Variants in ZFPM1 observed in about 807,000 individuals in gnomAD.
ZFPM1 encodes the protein zinc finger protein, FOG family member 1, also known as zinc finger protein ZFPM1.
Under a neutral mutation model 46.3 loss-of-function variants are expected in ZFPM1, and 28 were observed. The ratio of observed to expected loss-of-function variants is 0.60; its 90% CI spans 0.45 to 0.83. ZFPM1 has a LOEUF of 0.83. ZFPM1 is among the 40% of genes least tolerant of loss of function. ZFPM1 has a pLI of 0.00. For synonymous variants in ZFPM1, 957 were observed against 675.9 expected (o/e 1.42, Z -6.45); for missense variants, 1,878 against 1,432.4 (o/e 1.31, Z -5.02).
chr16:88,493,334 G>A (rs1411954423), intron 3 of ZFPM1, among the ~76,000 whole-genome samples: 8 of 144,670 alleles, frequency 5.5e-5, no homozygotes, highest in Admixed American at 2.7e-4. Flanking sequence ...AAATTGTCCC[G>A]GGGTGGGGAG....
Position 88,514,501 on chromosome 16 carries a change from C to T in ZFPM1, c.383C>T (p.Ser128Phe). ...GGGAGTGTCCAGACCAGAGCCTCAT[C>T]CCCCAGGCAGGCGGAGCCGGTAAGA... The part of the protein sequence containing the change: ...FHGSVQTRAS[S>F]PRQAEPSPAL... Residue 128 changes from serine (S) to phenylalanine (F), a missense_variant, in exon 4 of 10, where the codon TCC becomes TTC. Transcript: ENST00000319555. The T allele has an allele frequency of 6.4e-7, 1 of 1,562,616 alleles. No homozygotes were observed. The highest frequency in any genetic ancestry group is 8.7e-7 in the Non-Finnish European group (1 of 1,153,990).
chr16:88,508,757 T>C (rs1288480249), intron 3 of ZFPM1, among the ~76,000 whole-genome samples: 4 of 152,180 alleles, frequency 2.6e-5, no homozygotes, highest in Non-Finnish European at 5.9e-5. Context: ...TCCCCTTCTG[T>C]CGCCTCTCTC....
chr16:88,534,419 G>T lies in ZFPM1; in HGVS notation c.2461G>T (p.Ala821Ser). ...PALADYHECT[A>S]CRVSFHSLEA... ...GCTGGCCGACTACCACGAGTGCACGGCCTGCCGCGTGAGCTTCCACAGCCT... is the reference window on the plus strand; with the variant it reads ...GCTGGCCGACTACCACGAGTGCACGTCCTGCCGCGTGAGCTTCCACAGCCT... The change falls in exon 10 of 10, where the codon GCC becomes TCC. Residue 821 changes from alanine to serine, a missense_variant. Coordinates refer to ENST00000319555, the MANE Select transcript of ZFPM1 (RefSeq NM_153813.3). 1 of 1,490,420 alleles carries T rather than the reference G, an allele frequency of 6.7e-7. No homozygotes were observed. The highest frequency in any genetic ancestry group is 8.9e-7 in the Non-Finnish European group (1 of 1,127,176). 92.3% of individuals were successfully genotyped at this position (1,490,420 alleles called of 1,614,324 possible). A position where few individuals can be genotyped will look rare whatever the true frequency, so the allele number is the denominator to read the frequency against.
Position 88,480,057 on chromosome 16 carries a change from T to C in ZFPM1, c.41-5882T>C, listed in dbSNP as rs1392208920. On this transcript the variant is annotated intron_variant, in intron 1 of 9. Transcript: ENST00000319555. This position sits in a 1 kb window ranked among gnomAD's most constrained non-coding sequence, Gnocchi z 4.9. ...TAACGCCAGCCTTTGGCAAGACAGTTTGATCCGCTGAAACCAGGCTCAGGG... is the reference window on the plus strand; with the variant it reads ...TAACGCCAGCCTTTGGCAAGACAGTCTGATCCGCTGAAACCAGGCTCAGGG... Among the ~76,000 whole-genome samples, 1 of 151,902 alleles carries C rather than the reference T, an allele frequency of 6.6e-6. No individual in the cohort carries two copies. Among genetic ancestry groups the C allele is most frequent in the African/African-American group, 2.4e-5 (1 of 41,308 alleles).
At chr16:88,502,069 T>C (rs55824135) in intron 3 of ZFPM1, among the ~76,000 whole-genome samples, 13,380 of 55,144 alleles carry the variant, frequency 0.24, 852 homozygotes, top group East Asian at 0.37. Flanking sequence ...CCCCCCCATT[T>C]ATTTATTTAT....
rs745430838 is a variant in ZFPM1, at chr16:88,534,838, CA to C, written c.2881del (p.Ser961AlafsTer45). 6.4e-7 allele frequency: 1 copy of C among 1,555,342 alleles called. No individual in the cohort carries two copies. The highest frequency in any genetic ancestry group is 1.4e-5 in the African/African-American group (1 of 70,966). ...SYSDKGVQTP[S>X]KGTPAPLPNG... ...ACTCGGACAAGGGCGTCCAGACTCC[CA>C]GCAAGGGCACGCCGGCGCCGCTGCC... On this transcript the variant is annotated frameshift_variant, in exon 10 of 10. Coordinates refer to ENST00000319555, the MANE Select transcript of ZFPM1 (RefSeq NM_153813.3). LOFTEE classifies it low-confidence loss of function (END_TRUNC).
chr16:88,515,914 T>C lies in ZFPM1; in HGVS notation c.402+1394T>C, dbSNP rs373333977. ...AGGCATTTATGGTTGCCAGGAGGAA[T>C]GAGTGGATGGGCTAGGAGCTCCGTG... On this transcript the variant is annotated intron_variant, in intron 4 of 9. Coordinates refer to ENST00000319555, the MANE Select transcript of ZFPM1 (RefSeq NM_153813.3). 8.6e-4 allele frequency among the ~76,000 whole-genome samples: 131 copies of C among 152,200 alleles called. No individual in the cohort carries two copies. The South Asian group carries it at 0.012, about 14-fold the overall frequency.
At chr16:88,488,138 C>A (rs1445966216) in intron 2 of ZFPM1, among the ~76,000 whole-genome samples, 1 of 152,236 alleles carries the variant, frequency 6.6e-6, no homozygotes, top group African/African-American at 2.4e-5. Context: ...GTCACCGCCG[C>A]CAGCCTTAGT....
Position 88,482,037 on chromosome 16 carries a change from C to G in ZFPM1, c.41-3902C>G, listed in dbSNP as rs540686711. 2.4e-3 allele frequency among the ~76,000 whole-genome samples: 365 copies of G among 152,314 alleles called. 1 individual carries two copies. Among genetic ancestry groups the G allele is most frequent in the Admixed American group, 5.2e-3 (79 of 15,308 alleles). On this transcript the variant is annotated intron_variant, in intron 1 of 9. Coordinates refer to ENST00000319555, the MANE Select transcript of ZFPM1 (RefSeq NM_153813.3). ...AGCACAGAGAGTGGAGTGACTTGCT[C>G]GAGGTCACACAGCAAGGACGCAGCA...
At chr16:88,484,786 C>T (rs1909127751) in intron 1 of ZFPM1, among the ~76,000 whole-genome samples, 1 of 152,206 alleles carries the variant, frequency 6.6e-6, no homozygotes. Flanking sequence ...GCCCCGCCGG[C>T]GGATGTCAGC....
In ZFPM1 at chr16:88,470,362, A is replaced by G. The variant is rs1908358657; in HGVS notation, c.41-15577A>G. 1.3e-5 allele frequency among the ~76,000 whole-genome samples: 2 copies of G among 152,324 alleles called. 1 individual carries two copies. On this transcript the variant is annotated intron_variant, in intron 1 of 9. Coordinates refer to ENST00000319555, the MANE Select transcript of ZFPM1 (RefSeq NM_153813.3). ...ACTGAGTGCCTGCTGTGTGCTGGGCATGGTCCAGGGACCCCAGGTGACCTC... is the reference window on the plus strand; with the variant it reads ...ACTGAGTGCCTGCTGTGTGCTGGGCGTGGTCCAGGGACCCCAGGTGACCTC...
intron 6 of ZFPM1, among the ~76,000 whole-genome samples, chr16:88,530,023 G>C (rs1912662108): frequency 6.6e-6 from 1 of 152,194 alleles, no homozygotes; most frequent in African/African-American, 2.4e-5. Context: ...ACGGGCCGCA[G>C]GTGACTGAAA....
Position 88,532,675 on chromosome 16 carries a change from G to C in ZFPM1, c.1008G>C (p.Glu336Asp). 1.2e-6 allele frequency: 2 copies of C among 1,606,156 alleles called. No homozygotes were observed. Among genetic ancestry groups the C allele is most frequent in the Non-Finnish European group, 1.7e-6 (2 of 1,176,660 alleles). The change falls in exon 8 of 10, where the codon GAG becomes GAC. Residue 336 changes from glutamate to aspartate, a missense_variant. Glu to Asp is a conservative substitution (Grantham distance 45). Coordinates refer to ENST00000319555, the MANE Select transcript of ZFPM1 (RefSeq NM_153813.3). ...LSAFTTKANC[E>D]RHLKVHTDTL... ...CCTTCACCACCAAGGCCAACTGCGA[G>C]CGGCACCTCAAGGTGCACACGGACA... is the stretch of plus-strand genomic sequence containing the variant.
At chr16:88,487,478 G>A (rs1414363932) in intron 2 of ZFPM1, among the ~76,000 whole-genome samples, 1 of 152,210 alleles carries the variant, frequency 6.6e-6, no homozygotes, top group Non-Finnish European at 1.5e-5. Context: ...GCCCCTGACG[G>A]GCGGAAGAAT....
At position 88,469,858 on chromosome 16, in the gene ZFPM1, G is replaced by A. The variant is rs903277407; in HGVS notation, c.41-16081G>A. 5.4e-4 allele frequency among the ~76,000 whole-genome samples: 82 copies of A among 152,180 alleles called. No individual in the cohort carries two copies. The highest frequency in any genetic ancestry group is 1.7e-3 in the African/African-American group (70 of 41,520). On this transcript the variant is annotated intron_variant, in intron 1 of 9. Coordinates refer to ENST00000319555, the MANE Select transcript of ZFPM1 (RefSeq NM_153813.3). The surrounding 1 kb of genome is among the most constrained non-coding windows in gnomAD (Gnocchi z 4.3). ...CTTGGCCAGGGCCCCACCCCCTAAC[G>A]TGGGGTGCAGTGCCTCTCACGTGGT...
At chr16:88,475,512 C>CT (rs1908636924) in intron 1 of ZFPM1, among the ~76,000 whole-genome samples, 1 of 120,566 alleles carries the variant, frequency 8.3e-6, no homozygotes, top group Admixed American at 8.6e-5. Context: ...GGGCAGGGGT[C>CT]CGGGGGGGGG....
chr16:88,483,226 A>C (rs1909037321), intron 1 of ZFPM1, among the ~76,000 whole-genome samples: 1 of 151,844 alleles, frequency 6.6e-6, no homozygotes, highest in South Asian at 2.1e-4. Context: ...AGGAGAGTCC[A>C]GCCTGCCCCT....
chr16:88,459,589 C>T (rs1335380188), intron 1 of ZFPM1, among the ~76,000 whole-genome samples: 1 of 122,244 alleles, frequency 8.2e-6, no homozygotes, highest in Non-Finnish European at 1.7e-5. Flanking sequence ...TCCTCCTCCC[C>T]CTCCTCCTCT....
At chr16:88,531,228 C>A (rs1249462022) in intron 6 of ZFPM1, among the ~76,000 whole-genome samples, 2 of 152,204 alleles carry the variant, frequency 1.3e-5, no homozygotes, top group African/African-American at 2.4e-5. Context: ...GGGCCATGGG[C>A]AGATGGGGCA....
Sources: allele counts gnomAD v4.1 joint callset (sites outside exome capture counted in the v4.1 genomes callset), GRCh38; gene constraint gnomAD v4.1.1; non-coding constraint Gnocchi (gnomAD v3.1); transcripts MANE v1.5; gene names NCBI Gene and HGNC (gene_info 2026-07-23, HGNC 2026-07-21).